The following HECW2 variants were observed in gnomAD, a reference collection of about 807,000 sequenced individuals.
HECW2 encodes E3 ubiquitin-protein ligase HECW2.
In HECW2, 61 loss-of-function variants were observed where a neutral mutation model predicts 175.2. That is an observed-to-expected ratio of 0.35 (90% CI 0.28 to 0.43). The LOEUF is 0.43. Among genes scored for constraint, HECW2 ranks in the 20% least tolerant of loss-of-function variants. HECW2 has a pLI of 1.00. For missense variants in HECW2, 1,524 were observed against 2,000.5 expected (o/e 0.76, Z 4.54); for synonymous variants, 671 against 731.0 (o/e 0.92, Z 1.32).
intron 2 of HECW2, among the ~76,000 whole-genome samples, chr2:196,344,094 C>T (rs778313588): frequency 6.6e-6 from 1 of 151,980 alleles, no homozygotes; most frequent in Non-Finnish European, 1.5e-5. Context: ...GTTGGGTGTG[C>T]TCCCATTTGT....
chr2:196,278,695 C>T lies in HECW2; in HGVS notation c.3001-33G>A, dbSNP rs199975953. The T allele has an allele frequency of 8.2e-4, 1,328 of 1,611,966 alleles. 12 individuals are homozygous for T. The highest frequency in any genetic ancestry group is 7.9e-3 in the South Asian group (723 of 91,010). ...ACAATACACTGAGTCAAATACATGCCGCTCACATGTCTTAGCTGACTTATA... is the reference window on the plus strand; with the variant it reads ...ACAATACACTGAGTCAAATACATGCTGCTCACATGTCTTAGCTGACTTATA... On this transcript the variant is annotated intron_variant, in intron 14 of 28. Coordinates refer to ENST00000644978, the MANE Select transcript of HECW2 (RefSeq NM_001348768.2).
chr2:196,374,009 G>A (rs1693978925), intron 2 of HECW2, among the ~76,000 whole-genome samples: 1 of 150,310 alleles, frequency 6.7e-6, no homozygotes, highest in African/African-American at 2.5e-5. Flanking sequence ...TCCAGCCTGG[G>A]CGACAGAGAG....
intron 10 of HECW2, among the ~76,000 whole-genome samples, chr2:196,313,408 A>T (rs1410252196): frequency 6.6e-6 from 1 of 152,212 alleles, no homozygotes; most frequent in East Asian, 1.9e-4. Context: ...AATTGAGTCC[A>T]AGCTACTTCC....
intron 1 of HECW2, among the ~76,000 whole-genome samples, chr2:196,522,303 G>A (rs1423522655): frequency 1.3e-5 from 2 of 152,150 alleles, no homozygotes; most frequent in Non-Finnish European, 2.9e-5. Flanking sequence ...GTCTGTTCAT[G>A]TCCTTGCCCA....
At chr2:196,250,750 C>G (rs1345501215) in intron 19 of HECW2, among the ~76,000 whole-genome samples, 1 of 152,158 alleles carries the variant, frequency 6.6e-6, no homozygotes, top group African/African-American at 2.4e-5. Flanking sequence ...CCACAAACCA[C>G]TTTCCTTCCA....
At chr2:196,477,325 G>T (rs1236749073) in intron 1 of HECW2, among the ~76,000 whole-genome samples, 1 of 152,114 alleles carries the variant, frequency 6.6e-6, no homozygotes, top group African/African-American at 2.4e-5. Context: ...TCAAATTGCT[G>T]CCATTAAAAA....
chr2:196,257,606 G>T (rs1432675078), intron 18 of HECW2: 1 of 559,760 alleles, frequency 1.8e-6, no homozygotes, highest in Non-Finnish European at 3.2e-6. Flanking sequence ...CTTGCCAGCA[G>T]GGTGAAAACA....
At chr2:196,474,644 C>T (rs1686482929) in intron 1 of HECW2, among the ~76,000 whole-genome samples, 1 of 152,134 alleles carries the variant, frequency 6.6e-6, no homozygotes, top group Non-Finnish European at 1.5e-5. Flanking sequence ...TCTATATGTG[C>T]AAAGCTTATA....
At chr2:196,368,371 C>A (rs188007533) in intron 2 of HECW2, among the ~76,000 whole-genome samples, 1 of 152,132 alleles carries the variant, frequency 6.6e-6, no homozygotes, top group African/African-American at 2.4e-5. Context: ...GTCCATTGTA[C>A]GTTGTTTCTT....
chr2:196,273,949 G>T, intron 16 of HECW2, 72 bp downstream of exon 16: 1 of 1,053,182 alleles, frequency 9.5e-7, no homozygotes, highest in South Asian at 1.4e-5. Flanking sequence ...AACAGGGGAA[G>T]TATCAGCACA....
intron 2 of HECW2, among the ~76,000 whole-genome samples, chr2:196,416,019 T>C (rs1252388417): frequency 6.6e-6 from 1 of 152,234 alleles, no homozygotes; most frequent in Non-Finnish European, 1.5e-5. Context: ...AATTTTCTAT[T>C]TGAATTTTAT....
At chr2:196,442,625 C>A (rs922759941) in intron 1 of HECW2, among the ~76,000 whole-genome samples, 1 of 152,166 alleles carries the variant, frequency 6.6e-6, no homozygotes, top group African/African-American at 2.4e-5. Flanking sequence ...CCATTAAAAA[C>A]ATATTTTTAA....
At chr2:196,302,285 C>CTGG (rs1691092698) in intron 13 of HECW2, among the ~76,000 whole-genome samples, 1 of 152,094 alleles carries the variant, frequency 6.6e-6, no homozygotes, top group African/African-American at 2.4e-5. Context: ...GTTTTGGTTA[C>CTGG]TAGTATAGTT....
rs143911242 is a variant in HECW2, at chr2:196,224,141, T to C, written c.4016+1631A>G. Among the ~76,000 whole-genome samples the C allele has an allele frequency of 2.2e-3, 328 of 152,270 alleles. 1 individual carries two copies. Among genetic ancestry groups the C allele is most frequent in the Non-Finnish European group, 3.4e-3 (232 of 68,024 alleles). On this transcript the variant is annotated intron_variant, in intron 23 of 28. Transcript: ENST00000644978. ...GAGTAGAACATGTACCGTGTGTATTTGTCATCGCTGTTTAAGGGTGACTCC... is the reference window on the plus strand; with the variant it reads ...GAGTAGAACATGTACCGTGTGTATTCGTCATCGCTGTTTAAGGGTGACTCC...
chr2:196,520,635 G>GA (rs1185120999), intron 1 of HECW2, among the ~76,000 whole-genome samples: 1 of 152,208 alleles, frequency 6.6e-6, no homozygotes, highest in Non-Finnish European at 1.5e-5. Flanking sequence ...TTGGAGGTTA[G>GA]AAATGTTCAC....
chr2:196,475,271 T>C (rs943385508), intron 1 of HECW2, among the ~76,000 whole-genome samples: 1 of 151,600 alleles, frequency 6.6e-6, no homozygotes, highest in Admixed American at 6.6e-5. Flanking sequence ...TATGCTAGAA[T>C]TCCTTCAGCT....
rs1053109686 is a variant in HECW2 at position 196,361,744 on chromosome 2, C to G, written c.293-17980G>C. 5 of 961,344 alleles carry G rather than the reference C, an allele frequency of 5.2e-6. No individual in the cohort carries two copies. In the African/African-American group the frequency reaches 8.8e-5, roughly 17 times the overall value. The allele number at this position is 961,344 out of a possible 1,614,324, so 59.6% of individuals were successfully genotyped here. On this transcript the variant is annotated intron_variant, in intron 2 of 28. Transcript: ENST00000644978. ...GTGAAAGGCAGAGAAAACTGTAAAT[C>G]CCAAACAGCTGGACAAGGAAATCAA...
At chr2:196,517,099 C>T (rs552687780) in intron 1 of HECW2, among the ~76,000 whole-genome samples, 2 of 152,312 alleles carry the variant, frequency 1.3e-5, no homozygotes, top group East Asian at 3.9e-4. Context: ...AAGCCAGTGT[C>T]CTGGTGAAAC....
intron 1 of HECW2, among the ~76,000 whole-genome samples, chr2:196,444,653 G>A (rs140136408): frequency 2.6e-4 from 40 of 152,240 alleles, no homozygotes; most frequent in African/African-American, 7.2e-4. Flanking sequence ...AGTAAATGAC[G>A]TAATTAAAAA....
Sources: gnomAD v4.1 joint callset for allele counts (sites outside exome capture counted in the v4.1 genomes callset) on GRCh38, gnomAD v4.1.1 for gene constraint, MANE v1.5 for transcripts, NCBI Gene and HGNC (gene_info 2026-07-23, HGNC 2026-07-21) for gene names.